The following GALK2 variants were observed in gnomAD, a reference collection of about 807,000 sequenced individuals.
GALK2 encodes the protein galactokinase 2.
Under a neutral mutation model 52.4 loss-of-function variants are expected in GALK2, and 36 were observed. That is an observed-to-expected ratio of 0.69 (90% CI 0.53 to 0.91). The LOEUF (loss-of-function observed/expected upper bound fraction) is 0.91, where lower values mean the gene tolerates loss of function less well. Ranked by LOEUF, GALK2 falls within the 40% of genes least tolerant of loss-of-function variation. The probability of loss-of-function intolerance (pLI) is 0.00; values close to 1 mark genes in which losing one functional copy is unlikely to be tolerated. For missense variants in GALK2, 579 were observed against 559.1 expected, an observed-to-expected ratio of 1.04 and a Z score of -0.36; for synonymous variants, 176 against 199.1, an observed-to-expected ratio of 0.88 and a Z score of 0.98.
intron 8 of GALK2, among the ~76,000 whole-genome samples, chr15:49,299,739 C>CT (rs1447571264): frequency 2.8e-3 from 217 of 76,274 alleles, no homozygotes; most frequent in African/African-American, 6.6e-3. Context: ...TCTTTCTTTT[C>CT]TTTCTTTCTT....
At chr15:49,317,312 G>A (rs1282681294) in intron 8 of GALK2, among the ~76,000 whole-genome samples, 1 of 151,910 alleles carries the variant, frequency 6.6e-6, no homozygotes, top group Non-Finnish European at 1.5e-5. Context: ...GAAAAAAAGT[G>A]CATCATCACT....
chr15:49,239,201 G>C lies in GALK2; in HGVS notation c.358-20G>C. 14 of 1,610,808 alleles carry C rather than the reference G, an allele frequency of 8.7e-6. No individual in the cohort carries two copies. The highest frequency in any genetic ancestry group is 1.2e-5 in the Non-Finnish European group (14 of 1,177,122). On this transcript the variant is annotated intron_variant, in intron 4 of 9. Coordinates refer to ENST00000560031, the MANE Select transcript of GALK2 (RefSeq NM_002044.4). The stretch of plus-strand genomic sequence containing the variant: ...AATTCAATACTGAATTACTGTTGCT[G>C]TTTTTCCTTATATTCTTAGGAACAC...
chr15:49,282,207 TG>T, intron 6 of GALK2, 122 bp downstream of exon 6: 1 of 572,652 alleles, frequency 1.7e-6, no homozygotes, highest in East Asian at 3.0e-5. Flanking sequence ...TAGGCTCTAT[TG>T]TAGGATATTA....
downstream of GALK2, among the ~76,000 whole-genome samples, chr15:49,336,479 T>C (rs1952988008): frequency 6.6e-6 from 1 of 152,176 alleles, no homozygotes; most frequent in African/African-American, 2.4e-5. Flanking sequence ...ACCTCTGCCA[T>C]CACTAAGATA....
At chr15:49,245,358 T>C (rs1289327800) in intron 5 of GALK2, among the ~76,000 whole-genome samples, 1 of 152,208 alleles carries the variant, frequency 6.6e-6, no homozygotes, top group Non-Finnish European at 1.5e-5. Flanking sequence ...TTTGTTGTTG[T>C]TATAAGCCTT....
At chr15:49,176,995 CTT>C (rs1040235732) in intron 1 of GALK2, among the ~76,000 whole-genome samples, 2 of 152,022 alleles carry the variant, frequency 1.3e-5, no homozygotes, top group African/African-American at 2.4e-5. Context: ...TTTTTAAACT[CTT>C]GTGTCAATTT....
At chr15:49,311,343 A>G (rs558601866) in intron 8 of GALK2, among the ~76,000 whole-genome samples, 11 of 152,212 alleles carry the variant, frequency 7.2e-5, no homozygotes, top group Non-Finnish European at 1.6e-4. Flanking sequence ...TGCAGGATAC[A>G]ATTTAAACAT....
chr15:49,275,270 G>A (rs1274026267), intron 5 of GALK2, among the ~76,000 whole-genome samples: 1 of 152,198 alleles, frequency 6.6e-6, no homozygotes, highest in African/African-American at 2.4e-5. Flanking sequence ...CATGACTGTA[G>A]TTCATCCTGG....
At chr15:49,313,737 C>T (rs1290164110) in intron 8 of GALK2, among the ~76,000 whole-genome samples, 1 of 152,202 alleles carries the variant, frequency 6.6e-6, no homozygotes, top group East Asian at 1.9e-4. Flanking sequence ...TGTTGGTTAA[C>T]TTTTGCTAGA....
At chr15:49,346,892 T>G (rs2151272728) in intron 3 of GALK2, among the ~76,000 whole-genome samples, 1 of 152,334 alleles carries the variant, frequency 6.6e-6, no homozygotes, top group Non-Finnish European at 1.5e-5. Context: ...AGCAGTTATA[T>G]TCTGTTTAAT....
At chr15:49,284,174 T>C (rs1347589726) in intron 7 of GALK2, among the ~76,000 whole-genome samples, 1 of 152,200 alleles carries the variant, frequency 6.6e-6, no homozygotes, top group Non-Finnish European at 1.5e-5. Context: ...GATTTTTACA[T>C]GTCTACTAGG....
chr15:49,334,152 G>A (rs2039296443), downstream of GALK2: 1 of 657,292 alleles, frequency 1.5e-6, no homozygotes, highest in African/African-American at 2.0e-5. Context: ...CAGTTTTGTG[G>A]TTTTATGTAA....
chr15:49,367,606 C>T (rs202193146), exon 4 of GALK2: 11 of 1,553,600 alleles, frequency 7.1e-6, no homozygotes, highest in Middle Eastern at 1.7e-4. Context: ...TACTATAGTG[C>T]GACTGTAAGA....
At chr15:49,189,878 T>C (rs2086605576) in intron 1 of GALK2, among the ~76,000 whole-genome samples, 1 of 152,192 alleles carries the variant, frequency 6.6e-6, no homozygotes, top group Non-Finnish European at 1.5e-5. Context: ...ATTTAATATT[T>C]TCAGACCATG....
intron 5 of GALK2, among the ~76,000 whole-genome samples, chr15:49,265,292 A>C (rs550446635): frequency 1.3e-4 from 20 of 152,132 alleles, no homozygotes; most frequent in African/African-American, 4.8e-4. Context: ...GCCCTCCCCC[A>C]GCCTGGCTGC....
rs1596187861 is a variant in GALK2 at position 49,329,919 on chromosome 15, T to C, written c.*1760T>C. Reference sequence around the variant, plus strand: ...TAAAAATTTCCAATGTGCACTCTTCTTTGGGGGACACACATGGTCATTCTA... The same window carrying C: ...TAAAAATTTCCAATGTGCACTCTTCCTTGGGGGACACACATGGTCATTCTA... On this transcript the variant is annotated 3_prime_UTR_variant, in exon 10 of 10. Transcript: ENST00000560031. The C allele has an allele frequency of 5.1e-6, 1 of 196,534 alleles. No individual in the cohort carries two copies. Among genetic ancestry groups the C allele is most frequent in the Non-Finnish European group, 9.2e-6 (1 of 108,620 alleles). The allele number at this position is 196,534 out of a possible 1,614,324, so 12.2% of individuals were successfully genotyped here.
At chr15:49,205,072 C>T (rs1810785539) in intron 2 of GALK2, among the ~76,000 whole-genome samples, 1 of 152,128 alleles carries the variant, frequency 6.6e-6, no homozygotes, top group Non-Finnish European at 1.5e-5. Flanking sequence ...TGTATATATA[C>T]CACAGTTTCT....
chr15:49,179,652 C>CTTTT (rs71875041), intron 1 of GALK2, among the ~76,000 whole-genome samples: 2 of 138,180 alleles, frequency 1.4e-5, no homozygotes, highest in Non-Finnish European at 1.6e-5. Context: ...TTGTTTCTTT[C>CTTTT]TTTTTTTTTT....
chr15:49,366,668 C>G (rs1260232922), intron 3 of GALK2: 2 of 1,530,724 alleles, frequency 1.3e-6, no homozygotes, highest in Admixed American at 3.3e-5. Flanking sequence ...AGGGGACAGC[C>G]GCCGCTGCGG....
Sources: gnomAD v4.1 joint callset for allele counts (sites outside exome capture counted in the v4.1 genomes callset) on GRCh38, gnomAD v4.1.1 for gene constraint, MANE v1.5 for transcripts, NCBI Gene and HGNC (gene_info 2026-07-23, HGNC 2026-07-21) for gene names.